BICD1: variants seen among roughly 807,000 people sequenced by gnomAD.
BICD1 encodes the protein protein bicaudal D homolog 1.
BICD1 carries 35 observed loss-of-function variants against 92.5 expected under a neutral mutation model. The ratio of observed to expected loss-of-function variants is 0.38; its 90% CI spans 0.29 to 0.50. The LOEUF is 0.50. BICD1 is among the 20% of genes least tolerant of loss of function. BICD1 has a pLI of 0.93. For synonymous variants in BICD1, 429 were observed against 465.1 expected (o/e 0.92, Z 1.00); for missense variants, 950 against 1,189.8 (o/e 0.80, Z 2.97).
intron 1 of BICD1, among the ~76,000 whole-genome samples, chr12:32,134,651 T>C (rs1023485020): frequency 1.3e-5 from 2 of 152,200 alleles, no homozygotes; most frequent in Non-Finnish European, 2.9e-5. Flanking sequence ...ACCGCGACTC[T>C]GTCATTGTGT....
intron 8 of BICD1, chr12:32,339,859 A>G: frequency 2.1e-6 from 2 of 965,918 alleles, no homozygotes; most frequent in Non-Finnish European, 2.5e-6. Context: ...TTATATGAAC[A>G]TCAGTATTTC....
chr12:32,205,358 A>G (rs1343957739), intron 1 of BICD1, among the ~76,000 whole-genome samples: 1 of 152,082 alleles, frequency 6.6e-6, no homozygotes, highest in East Asian at 1.9e-4. Flanking sequence ...AAGCTCCCCA[A>G]GTGATTCTAA....
At chr12:32,304,619 G>T (rs1451455458) in intron 3 of BICD1, among the ~76,000 whole-genome samples, 1 of 152,206 alleles carries the variant, frequency 6.6e-6, no homozygotes, top group Non-Finnish European at 1.5e-5. Context: ...TCCCAAGGAG[G>T]CATGTCGGCT....
intron 1 of BICD1, among the ~76,000 whole-genome samples, chr12:32,117,598 C>T (rs920306880): frequency 6.6e-6 from 1 of 151,344 alleles, no homozygotes; most frequent in Admixed American, 6.6e-5. Flanking sequence ...TGAGGGAGGT[C>T]TACAGCCTCC....
At chr12:32,342,495 G>A (rs906767255) in intron 8 of BICD1, among the ~76,000 whole-genome samples, 6 of 151,566 alleles carry the variant, frequency 4.0e-5, no homozygotes, top group Non-Finnish European at 7.4e-5. Flanking sequence ...ATCATGATCC[G>A]CCATCTCGGC....
chr12:32,133,481 C>A (rs1422757852), intron 1 of BICD1, among the ~76,000 whole-genome samples: 1 of 151,216 alleles, frequency 6.6e-6, no homozygotes, highest in South Asian at 2.1e-4. Context: ...GAACAAGACT[C>A]CATCTGGGAA....
chr12:32,134,678 C>A (rs886995870), intron 1 of BICD1, among the ~76,000 whole-genome samples: 1 of 152,164 alleles, frequency 6.6e-6, no homozygotes, highest in African/African-American at 2.4e-5. Flanking sequence ...CTCCTTAATA[C>A]CTCAGAATTA....
At chr12:32,284,159 A>G (rs1341974690) in intron 2 of BICD1, among the ~76,000 whole-genome samples, 1 of 152,174 alleles carries the variant, frequency 6.6e-6, no homozygotes, top group African/African-American at 2.4e-5. Flanking sequence ...ATGAATGACA[A>G]TGAATATTAG....
At chr12:32,322,325 T>C (rs1259841842) in intron 4 of BICD1, among the ~76,000 whole-genome samples, 4 of 152,222 alleles carry the variant, frequency 2.6e-5, no homozygotes, top group Non-Finnish European at 4.4e-5. Flanking sequence ...TAGTACTGTA[T>C]AGCAGCAGTC....
intron 2 of BICD1, among the ~76,000 whole-genome samples, chr12:32,289,151 G>T (rs955157655): frequency 6.6e-6 from 1 of 152,166 alleles, no homozygotes; most frequent in African/African-American, 2.4e-5. Context: ...CAGAGTGGTT[G>T]GAGACAGAGG....
Position 32,281,089 on chromosome 12 carries a change from C to G in BICD1, c.427-12905C>G, listed in dbSNP as rs144474234. Reference sequence around the variant, plus strand: ...TTTTTTTTAGTGACTCACAGAAACACTCCGTAGAACTAGCCTCTGCAGAAC... The same window carrying G: ...TTTTTTTTAGTGACTCACAGAAACAGTCCGTAGAACTAGCCTCTGCAGAAC... On this transcript the variant is annotated intron_variant, in intron 2 of 9. Transcript: ENST00000652176. 6.9e-3 allele frequency among the ~76,000 whole-genome samples: 1,058 copies of G among 152,246 alleles called. 46 individuals are homozygous for G. The highest frequency in any genetic ancestry group is 0.064 in the Admixed American group (972 of 15,284).
chr12:32,272,148 A>C (rs1390072288), intron 2 of BICD1, among the ~76,000 whole-genome samples: 1 of 152,156 alleles, frequency 6.6e-6, no homozygotes, highest in African/African-American at 2.4e-5. Flanking sequence ...TATGACTGAG[A>C]AATTTCTTTT....
At chr12:32,234,165 A>G (rs1234829038) in intron 2 of BICD1, among the ~76,000 whole-genome samples, 3 of 152,232 alleles carry the variant, frequency 2.0e-5, no homozygotes, top group Non-Finnish European at 4.4e-5. Flanking sequence ...TTAGAACACT[A>G]TGGATCTCAT....
intron 2 of BICD1, among the ~76,000 whole-genome samples, chr12:32,219,037 A>C (rs1433710777): frequency 6.6e-6 from 1 of 152,160 alleles, no homozygotes; most frequent in Non-Finnish European, 1.5e-5. Context: ...TATTTTTTGT[A>C]CTATAAGCAT....
intron 2 of BICD1, among the ~76,000 whole-genome samples, chr12:32,263,075 T>C (rs948405588): frequency 6.6e-5 from 10 of 151,458 alleles, no homozygotes; most frequent in African/African-American, 2.4e-4. Flanking sequence ...GCCAAGGCTG[T>C]AGTGAGCTAT....
At chr12:32,317,931 G>A (rs1948548754) in intron 4 of BICD1, among the ~76,000 whole-genome samples, 6 of 152,008 alleles carry the variant, frequency 3.9e-5, no homozygotes, top group Admixed American at 3.9e-4. Context: ...TCTACTTATG[G>A]CTAGCCAGTT....
intron 5 of BICD1, among the ~76,000 whole-genome samples, chr12:32,331,050 C>G (rs1937842541): frequency 6.6e-6 from 1 of 152,066 alleles, no homozygotes; most frequent in African/African-American, 2.4e-5. Context: ...AGGAGAATCA[C>G]TTGAACCCCG....
At chr12:32,265,034 C>T (rs1946952763) in intron 2 of BICD1, among the ~76,000 whole-genome samples, 1 of 152,034 alleles carries the variant, frequency 6.6e-6, no homozygotes, top group Non-Finnish European at 1.5e-5. Context: ...TTCTACTCTG[C>T]AACTTCCAGC....
chr12:32,172,728 A>C (rs1434974979), intron 1 of BICD1, among the ~76,000 whole-genome samples: 1 of 152,158 alleles, frequency 6.6e-6, no homozygotes, highest in Non-Finnish European at 1.5e-5. Flanking sequence ...CAGGTTGTTC[A>C]TCCATTCATT....
Sources: allele counts gnomAD v4.1 joint callset (sites outside exome capture counted in the v4.1 genomes callset), GRCh38; gene constraint gnomAD v4.1.1; transcripts MANE v1.5; gene names NCBI Gene and HGNC (gene_info 2026-07-23, HGNC 2026-07-21).